CUX2: variants seen among roughly 807,000 people sequenced by gnomAD.
The protein encoded by CUX2 is homeobox protein cut-like 2.
Under a neutral mutation model 144.8 loss-of-function variants are expected in CUX2, and 40 were observed. That is an observed-to-expected ratio of 0.28 (90% confidence interval 0.21 to 0.36). CUX2 has a LOEUF of 0.36. Among genes scored for constraint, CUX2 ranks in the 10% least tolerant of loss-of-function variants. CUX2 has a pLI of 1.00. For missense variants in CUX2, 1,615 were observed against 1,994.0 expected, an observed-to-expected ratio of 0.81 and a Z score of 3.62; for synonymous variants, 827 against 875.6, an observed-to-expected ratio of 0.94 and a Z score of 0.98.
intron 18 of CUX2, among the ~76,000 whole-genome samples, chr12:111,327,203 C>A (rs1019719001): frequency 6.6e-6 from 1 of 152,166 alleles, no homozygotes; most frequent in African/African-American, 2.4e-5. Context: ...TGGCTTCTTT[C>A]AGTTAACGTG....
intron 19 of CUX2, among the ~76,000 whole-genome samples, chr12:111,336,510 C>G (rs991134435): frequency 1.3e-5 from 2 of 151,504 alleles, no homozygotes. Context: ...TGCAGTCGTA[C>G]GATCTCAGCT....
chr12:111,196,829 C>CAGTGCTGTTCT (rs1880268647), intron 1 of CUX2, among the ~76,000 whole-genome samples: 1 of 152,130 alleles, frequency 6.6e-6, no homozygotes, highest in Admixed American at 6.5e-5. Context: ...CTGTATTGGA[C>CAGTGCTGTTCT]AGTGCAGTTC....
intron 1 of CUX2, among the ~76,000 whole-genome samples, chr12:111,053,631 G>C (rs544201592): frequency 6.6e-6 from 1 of 152,016 alleles, no homozygotes; most frequent in Non-Finnish European, 1.5e-5. Context: ...ATTGCTCTTC[G>C]TGGGCCCTGG....
intron 18 of CUX2, among the ~76,000 whole-genome samples, chr12:111,326,496 G>C (rs1285312545): frequency 2.6e-5 from 4 of 151,658 alleles, no homozygotes; most frequent in African/African-American, 9.7e-5. Flanking sequence ...TGATGGAGGG[G>C]GTTGGTTTTT....
chr12:111,180,457 T>C (rs575106389), intron 1 of CUX2, among the ~76,000 whole-genome samples: 4 of 152,292 alleles, frequency 2.6e-5, no homozygotes, highest in Admixed American at 6.5e-5. Flanking sequence ...AAATGATCCT[T>C]CAGCCGCCAG....
At position 111,334,575 on chromosome 12, in the gene CUX2, T is replaced by A. The variant is rs1343595312; in HGVS notation, c.3061T>A (p.Ser1021Thr). 1.2e-6 allele frequency: 2 copies of A among 1,613,714 alleles called. No homozygotes were observed. Among genetic ancestry groups the A allele is most frequent in the South Asian group, 2.2e-5 (2 of 91,066 alleles). ...ENQQPEGRSS[S>T]SLSGKMYSGS... is the part of the protein sequence containing the mutation. ...CCAGCAGCCAGAGGGCCGCTCCAGC[T>A]CCTCGTTGAGCGGGAAGATGTACTC... The change falls in exon 19 of 22, where the codon TCC (serine) becomes ACC (threonine). Residue 1021 changes from serine to threonine, a missense_variant. By Grantham distance (58) the Ser-to-Thr change is moderately conservative. This residue lies in a region of CUX2 where 128 missense variants were observed against 124.4 expected (regional missense o/e 1.03). Coordinates refer to ENST00000261726, the MANE Select transcript of CUX2 (RefSeq NM_015267.4).
intron 1 of CUX2, among the ~76,000 whole-genome samples, chr12:111,144,842 G>C (rs1290837030): frequency 6.6e-6 from 1 of 152,200 alleles, no homozygotes; most frequent in Non-Finnish European, 1.5e-5. Context: ...CCTGAGGATG[G>C]AAGACTGTGG....
At chr12:111,219,761 A>C (rs149434082) in intron 3 of CUX2, among the ~76,000 whole-genome samples, 1 of 152,188 alleles carries the variant, frequency 6.6e-6, no homozygotes, top group African/African-American at 2.4e-5. Flanking sequence ...TTGGAATCCC[A>C]CCTCTCCCAC....
At chr12:111,197,724 A>G (rs532081955) in intron 1 of CUX2, among the ~76,000 whole-genome samples, 15 of 152,318 alleles carry the variant, frequency 9.8e-5, no homozygotes, top group African/African-American at 3.1e-4. Context: ...GTCTAAGGTC[A>G]TCCAAGGCGG....
At chr12:111,218,003 A>G (rs989217151) in intron 3 of CUX2, 66 bp downstream of exon 3, 27 of 1,570,776 alleles carry the variant, frequency 1.7e-5, no homozygotes, top group Non-Finnish European at 2.2e-5. Context: ...TATCCCACCT[A>G]GAGTTGCCCA....
chr12:111,139,258 T>C (rs1047547891), intron 1 of CUX2, among the ~76,000 whole-genome samples: 4 of 151,928 alleles, frequency 2.6e-5, no homozygotes, highest in Non-Finnish European at 5.9e-5. Flanking sequence ...GAGGCTCTCT[T>C]TGGAGAAGAG....
At chr12:111,187,098 G>A (rs1424179733) in intron 1 of CUX2, among the ~76,000 whole-genome samples, 2 of 152,120 alleles carry the variant, frequency 1.3e-5, no homozygotes, top group Non-Finnish European at 1.5e-5. Flanking sequence ...ATATTTTTAC[G>A]CTCTAAGTAT....
intron 18 of CUX2, among the ~76,000 whole-genome samples, chr12:111,328,975 C>CTCTCTCTCT (rs1491501890): frequency 2.1e-4 from 14 of 65,662 alleles, no homozygotes; most frequent in African/African-American, 9.7e-4. Context: ...CTCTCTCTCT[C>CTCTCTCTCT]CCCCTCTCTC....
rs1055764011 is a variant in CUX2, at chr12:111,255,375, G to A, written c.223-8386G>A. On this transcript the variant is annotated intron_variant, in intron 3 of 21. Transcript: ENST00000261726. The surrounding 1 kb of genome is among the most constrained non-coding windows in gnomAD (Gnocchi z 4.1). ...TTTTCATTTGCTCAGCGGCATCACT[G>A]ATGGATGGCAGAGAGCACGTTAGCA... 1.3e-5 allele frequency among the ~76,000 whole-genome samples: 2 copies of A among 152,244 alleles called. No homozygotes were observed. Among genetic ancestry groups the A allele is most frequent in the Non-Finnish European group, 2.9e-5 (2 of 68,042 alleles).
rs1000689737 is a variant in CUX2, at chr12:111,037,229, A to G, written c.63+2989A>G. 1.3e-5 allele frequency among the ~76,000 whole-genome samples: 2 copies of G among 152,034 alleles called. No homozygotes were observed. Among genetic ancestry groups the G allele is most frequent in the African/African-American group, 2.4e-5 (1 of 41,372 alleles). On this transcript the variant is annotated intron_variant, in intron 1 of 21. Transcript: ENST00000261726. The surrounding 1 kb of genome is among the most constrained non-coding windows in gnomAD (Gnocchi z 5.4). ...GCGTGGCTTTCATTCCTGGCTGTTC[A>G]GGTTGAATGGTTTCTCGCAGCGTGG...
intron 1 of CUX2, among the ~76,000 whole-genome samples, chr12:111,125,601 A>G (rs1875007546): frequency 6.6e-6 from 1 of 152,228 alleles, no homozygotes; most frequent in Admixed American, 6.5e-5. Context: ...GCTGCATAAC[A>G]TTCCATTGCC....
intron 18 of CUX2, among the ~76,000 whole-genome samples, chr12:111,325,626 GT>G (rs1887741804): frequency 1.4e-5 from 2 of 139,170 alleles, no homozygotes; most frequent in South Asian, 2.4e-4. Context: ...TAGTGTTGTG[GT>G]GGGGAGGGGT....
chr12:111,163,671 G>A (rs113540838), intron 1 of CUX2, among the ~76,000 whole-genome samples: 4,912 of 152,266 alleles, frequency 0.032, 300 homozygotes, highest in African/African-American at 0.11. Flanking sequence ...TATATAAGCA[G>A]CAGTTTCCTT....
Position 111,112,160 on chromosome 12 carries a change from CAG to C in CUX2, c.63+77921_63+77922del, listed in dbSNP as rs150689440. Reference sequence around the variant, plus strand: ...CTCTCACAAGAAGGGTCGAGTGGCTCAGTGAGTTTTGCCCATGTCAACGGGGA... The same window carrying C: ...CTCTCACAAGAAGGGTCGAGTGGCTCTGAGTTTTGCCCATGTCAACGGGGA... On this transcript the variant is annotated intron_variant, in intron 1 of 21. Transcript: ENST00000261726. 4.6e-3 allele frequency among the ~76,000 whole-genome samples: 695 copies of C among 152,230 alleles called. 2 individuals carry two copies. The highest frequency in any genetic ancestry group is 0.016 in the African/African-American group (659 of 41,534).
Sources: gnomAD v4.1 joint callset for allele counts (sites outside exome capture counted in the v4.1 genomes callset) on GRCh38, gnomAD v4.1.1 for gene constraint, gnomAD v4.1.1 regional missense constraint, Gnocchi (gnomAD v3.1) non-coding constraint, MANE v1.5 for transcripts, NCBI Gene and HGNC (gene_info 2026-07-23, HGNC 2026-07-21) for gene names.